Variants in CTNNAL1 observed in about 807,000 individuals in gnomAD.
CTNNAL1 encodes the protein alpha-catulin.
A neutral mutation model predicts 93.6 loss-of-function variants in CTNNAL1; 69 were observed. The ratio of observed to expected loss-of-function variants is 0.74; its 90% confidence interval spans 0.61 to 0.90. The LOEUF (loss-of-function observed/expected upper bound fraction) is 0.90. Ranked by LOEUF, CTNNAL1 falls within the 40% of genes least tolerant of loss-of-function variation. The pLI, the probability that CTNNAL1 is intolerant of heterozygous loss-of-function variation, is 0.00. For missense variants in CTNNAL1, 836 were observed against 862.0 expected, an observed-to-expected ratio of 0.97 and a Z score of 0.38; for synonymous variants, 286 against 305.4, an observed-to-expected ratio of 0.94 and a Z score of 0.66.
chr9:108,965,580 A>C, intron 10 of CTNNAL1, 52 bp from the exon 11 acceptor site: 2 of 1,126,566 alleles, frequency 1.8e-6, no homozygotes, highest in Non-Finnish European at 1.2e-6. Flanking sequence ...TAGCCCTCAG[A>C]ATCACTTTGA....
At chr9:108,987,382 A>G (rs1831645005) in intron 4 of CTNNAL1, among the ~76,000 whole-genome samples, 2 of 152,106 alleles carry the variant, frequency 1.3e-5, no homozygotes. Context: ...TGTTCCATTG[A>G]TCTATATCTC....
intron 6 of CTNNAL1, among the ~76,000 whole-genome samples, chr9:108,980,074 C>A (rs1044271418): frequency 3.3e-5 from 5 of 152,220 alleles, no homozygotes; most frequent in Non-Finnish European, 5.9e-5. Flanking sequence ...TGTAAACCAT[C>A]TGATACTGCC....
At chr9:108,987,535 C>T (rs202138683) in intron 4 of CTNNAL1, among the ~76,000 whole-genome samples, 7,930 of 151,244 alleles carry the variant, frequency 0.052, 314 homozygotes, top group South Asian at 0.13. Flanking sequence ...TCCATATGAA[C>T]TTTAAAGTAG....
intron 1 of CTNNAL1, among the ~76,000 whole-genome samples, chr9:109,012,462 ACTC>A (rs1827234790): frequency 1.3e-5 from 2 of 152,116 alleles, no homozygotes; most frequent in African/African-American, 4.8e-5. Context: ...CACAGAATTC[ACTC>A]CCCACAGTGC....
intron 4 of CTNNAL1, among the ~76,000 whole-genome samples, chr9:108,986,490 G>A (rs1447616990): frequency 8.6e-5 from 13 of 151,926 alleles, no homozygotes; most frequent in Non-Finnish European, 1.3e-4. Context: ...ATAAACATAC[G>A]TGTGCATGTG....
At chr9:108,950,708 G>A (rs1830537807) in intron 14 of CTNNAL1, 2 of 1,385,746 alleles carry the variant, frequency 1.4e-6, no homozygotes, top group African/African-American at 1.5e-5. Flanking sequence ...AGTCTTTCTG[G>A]TGACTTTGCA....
In CTNNAL1 at chr9:108,970,732, G is replaced by T. The variant is rs541273593; in HGVS notation, c.1348-238C>A. 2.0e-5 allele frequency among the ~76,000 whole-genome samples: 3 copies of T among 152,196 alleles called. No homozygotes were observed. The East Asian group carries it at 5.8e-4, about 29-fold the overall frequency. ...TGTTTCTACTTCCTATCCAATCATG[G>T]CAAGGTGGTTACAGAATATTAAAAC... On this transcript the variant is annotated intron_variant, in intron 9 of 18. Coordinates refer to ENST00000325551, the MANE Select transcript of CTNNAL1 (RefSeq NM_003798.4).
intron 15 of CTNNAL1, among the ~76,000 whole-genome samples, chr9:108,946,839 G>C (rs891737623): frequency 6.6e-6 from 1 of 152,050 alleles, no homozygotes; most frequent in Non-Finnish European, 1.5e-5. Flanking sequence ...AGCTCACATA[G>C]GAAGAAGGTA....
Position 108,961,148 on chromosome 9 carries a change from C to T in CTNNAL1, c.1591+4230G>A, listed in dbSNP as rs1830811034. Among the ~76,000 whole-genome samples, 3 of 152,322 alleles carry T rather than the reference C, an allele frequency of 2.0e-5. No homozygotes were observed. The South Asian group carries it at 6.2e-4, about 32-fold the overall frequency. On this transcript the variant is annotated intron_variant, in intron 11 of 18. Coordinates refer to ENST00000325551, the MANE Select transcript of CTNNAL1 (RefSeq NM_003798.4). Reference sequence around the variant, plus strand: ...GAGCAGAACTAAGGTGGCTAGAATACAGCAAAGGCTTTTCAACAATAGTCA... The same window carrying T: ...GAGCAGAACTAAGGTGGCTAGAATATAGCAAAGGCTTTTCAACAATAGTCA...
chr9:108,955,823 C>T lies in CTNNAL1; in HGVS notation c.1596G>A (p.Glu532=). Residue 532 remains glutamate, a synonymous_variant, in exon 12 of 19, where the codon GAG becomes GAA. Transcript: ENST00000325551. ...TTGGAAGTGAAAGGTAGCCATACTT[C>T]TCTCCTACAAATAACACATATAACT... The part of the protein sequence containing the change: ...INDVFEGRRG[E]KYGYLSLPKP... 1 of 1,599,466 alleles carries T rather than the reference C, an allele frequency of 6.3e-7. No homozygotes were observed.
chr9:108,991,875 G>T, intron 3 of CTNNAL1: 1 of 576,966 alleles, frequency 1.7e-6, no homozygotes, highest in South Asian at 2.0e-5. Context: ...ACATACCCTG[G>T]ATTCCCAGAT....
chr9:108,980,432 T>C lies in CTNNAL1; in HGVS notation c.901-951A>G, dbSNP rs143937225. ...ATTATGGTCACAATGAATGTGATAA[T>C]AAGGATACCTTACATTTGTTTAACA... On this transcript the variant is annotated intron_variant, in intron 6 of 18. Coordinates refer to ENST00000325551, the MANE Select transcript of CTNNAL1 (RefSeq NM_003798.4). Among the ~76,000 whole-genome samples the C allele has an allele frequency of 1.5e-3, 230 of 152,358 alleles. 2 individuals are homozygous for C. Among genetic ancestry groups the C allele is most frequent in the African/African-American group, 5.2e-3 (217 of 41,582 alleles).
In CTNNAL1 at chr9:108,999,275, A is replaced by C. The variant is rs1832139202; in HGVS notation, c.142-19T>G. The C allele has an allele frequency of 6.4e-7, 1 of 1,572,462 alleles. No individual in the cohort carries two copies. The highest frequency in any genetic ancestry group is 1.4e-5 in the African/African-American group (1 of 72,452). ...TGGTGATCTAAAAATAAAAGATAAA[A>C]GCAACTTTTATCTCAATACCTTTTC... On this transcript the variant is annotated intron_variant, in intron 1 of 18. Transcript: ENST00000325551.
rs200395983 is a variant in CTNNAL1 at position 108,979,333 on chromosome 9, G to A, written c.1049C>T (p.Ser350Leu). The A allele has an allele frequency of 2.5e-6, 4 of 1,614,132 alleles. No homozygotes were observed. In the African/African-American group the frequency reaches 5.3e-5, roughly 22 times the overall value. ...HEHRERILEL[S>L]TQARMELQQL... Reference sequence around the variant, plus strand: ...CTGCAGTTCCATTCTCGCCTGAGTTGACAGTTCCAAGATGCGTTCTCTGTG... The same window carrying A: ...CTGCAGTTCCATTCTCGCCTGAGTTAACAGTTCCAAGATGCGTTCTCTGTG... Residue 350 changes from serine (S) to leucine (L), a missense_variant, in exon 7 of 19, where the codon TCA becomes TTA. Coordinates refer to ENST00000325551, the MANE Select transcript of CTNNAL1 (RefSeq NM_003798.4).
At chr9:108,967,383 T>C (rs567071048) in intron 10 of CTNNAL1, among the ~76,000 whole-genome samples, 1 of 140,562 alleles carries the variant, frequency 7.1e-6, no homozygotes, top group East Asian at 2.2e-4. Flanking sequence ...TATGGGATTA[T>C]TCACACACAC....
chr9:109,013,233 G>A (rs1827266692), intron 1 of CTNNAL1, 69 bp downstream of exon 1: 1 of 1,401,388 alleles, frequency 7.1e-7, no homozygotes, highest in Non-Finnish European at 9.3e-7. Flanking sequence ...GTCCGGTCGT[G>A]CGAGCGGCGG....
chr9:108,943,193 C>G, intron 17 of CTNNAL1, 149 bp from the exon 18 acceptor site: 1 of 724,114 alleles, frequency 1.4e-6, no homozygotes, highest in Non-Finnish European at 2.2e-6. Context: ...TGAGCTGACT[C>G]AAAGCCCCAG....
At chr9:108,953,715 T>A (rs550498698) in intron 12 of CTNNAL1, among the ~76,000 whole-genome samples, 1 of 152,200 alleles carries the variant, frequency 6.6e-6, no homozygotes, top group Admixed American at 6.5e-5. Flanking sequence ...TCATGGAACA[T>A]AGCCCTTTTG....
chr9:108,947,628 A>T (rs1298965077), intron 15 of CTNNAL1, among the ~76,000 whole-genome samples: 1 of 152,170 alleles, frequency 6.6e-6, no homozygotes, highest in Non-Finnish European at 1.5e-5. Context: ...AGAATTACAG[A>T]TGGGCCTATG....
Sources: gnomAD v4.1 joint callset for allele counts (sites outside exome capture counted in the v4.1 genomes callset) on GRCh38, gnomAD v4.1.1 for gene constraint, MANE v1.5 for transcripts, NCBI Gene and HGNC (gene_info 2026-07-23, HGNC 2026-07-21) for gene names.